The following SEC14L5 variants were observed in gnomAD, a reference collection of about 807,000 sequenced individuals.
SEC14L5 encodes the protein SEC14 like lipid binding 5.
A neutral mutation model predicts 84.6 loss-of-function variants in SEC14L5; 96 were observed. The observed-to-expected ratio is 1.13, with a 90% CI of 0.96 to 1.34. The LOEUF (loss-of-function observed/expected upper bound fraction) is 1.34, where lower values mean the gene tolerates loss of function less well. Ranked by LOEUF, SEC14L5 falls within the 40% of genes most tolerant of loss-of-function variation. The pLI is 0.00. For missense variants in SEC14L5, 1,224 were observed against 942.5 expected (o/e 1.30, Z -3.91); for synonymous variants, 546 against 383.4 (o/e 1.42, Z -4.95).
rs758424517 is a variant in SEC14L5 at position 4,997,045 on chromosome 16, G to C, written c.970+1G>C. The C allele has an allele frequency of 6.2e-7, 1 of 1,601,522 alleles. No homozygotes were observed. The highest frequency in any genetic ancestry group is 8.5e-7 in the Non-Finnish European group (1 of 1,174,084). ...GGGGGCTGGCATTACCAGGACATAG[G>C]TGCGTGCCTCCACCCACATCATGTA... On this transcript the variant is annotated splice_donor_variant, in intron 8 of 15. Transcript: ENST00000251170. LOFTEE classifies it high-confidence loss of function.
rs1955870022 is a variant in SEC14L5 at position 5,015,857 on chromosome 16, A to G, written c.*887A>G. On this transcript the variant is annotated 3_prime_UTR_variant, in exon 16 of 16. Coordinates refer to ENST00000251170, the MANE Select transcript of SEC14L5 (RefSeq NM_014692.2). ...CCCTGCACTTGGCCAGCATGGCCTAAGCCTGACCATCCCTGATTGGAGAGG... is the reference window on the plus strand; with the variant it reads ...CCCTGCACTTGGCCAGCATGGCCTAGGCCTGACCATCCCTGATTGGAGAGG... The G allele has an allele frequency of 6.6e-6, 1 of 152,318 alleles. No homozygotes were observed. The highest frequency in any genetic ancestry group is 2.1e-4 in the South Asian group (1 of 4,832). The allele number at this position is 152,318 out of a possible 1,614,324, so 9.4% of individuals were successfully genotyped here.
intron 13 of SEC14L5, 86 bp downstream of exon 13, chr16:5,007,572 A>G (rs1955745825): frequency 4.3e-6 from 4 of 926,450 alleles, no homozygotes; most frequent in Admixed American, 5.4e-5. Flanking sequence ...GCTTGAGATG[A>G]GGATTCTTTT....
intron 11 of SEC14L5, among the ~76,000 whole-genome samples, chr16:5,005,073 G>T (rs1185638870): frequency 2.0e-5 from 3 of 152,224 alleles, no homozygotes; most frequent in African/African-American, 7.2e-5. Context: ...TACTTTGAGA[G>T]GCCGAGGTGG....
chr16:4,964,215 G>A (rs540828538), intron 2 of SEC14L5, among the ~76,000 whole-genome samples: 78 of 152,202 alleles, frequency 5.1e-4, no homozygotes, highest in African/African-American at 1.8e-3. Context: ...GGCTCAGGTC[G>A]CCTGAGTCCC....
Position 4,987,715 on chromosome 16 carries a change from C to T in SEC14L5, c.213+9C>T, listed in dbSNP as rs1392029886. ...CGCGGCTGCTGCGGAAGGTGGGCGG[C>T]CCTGGGGCTGGGGGGCGGAGGAGGG... On this transcript the variant is annotated intron_variant, in intron 3 of 15. Transcript: ENST00000251170. The T allele has an allele frequency of 6.7e-7, 1 of 1,497,518 alleles. No homozygotes were observed. The highest frequency in any genetic ancestry group is 1.3e-5 in the South Asian group (1 of 76,646). 92.8% of individuals were successfully genotyped at this position (1,497,518 alleles called of 1,614,324 possible). A position where few individuals can be genotyped will look rare whatever the true frequency, so the allele number is the denominator to read the frequency against.
chr16:5,009,636 C>A (rs1378487253), intron 14 of SEC14L5, among the ~76,000 whole-genome samples: 1 of 152,044 alleles, frequency 6.6e-6, no homozygotes, highest in Non-Finnish European at 1.5e-5. Context: ...ACCCTAAATC[C>A]TTAACCACAA....
intron 2 of SEC14L5, among the ~76,000 whole-genome samples, chr16:4,974,872 T>A (rs144958804): frequency 0.021 from 3,140 of 151,832 alleles, 92 homozygotes; most frequent in African/African-American, 0.071. Flanking sequence ...CTGCCTCCTG[T>A]ATTCAAGCGA....
intron 2 of SEC14L5, among the ~76,000 whole-genome samples, chr16:4,967,104 A>G (rs1438817149): frequency 6.6e-6 from 1 of 152,210 alleles, no homozygotes; most frequent in Non-Finnish European, 1.5e-5. Flanking sequence ...CAGAGCCACA[A>G]ACCGGGTGAC....
chr16:4,966,780 G>C (rs1393620976), intron 2 of SEC14L5, among the ~76,000 whole-genome samples: 2 of 152,182 alleles, frequency 1.3e-5, no homozygotes, highest in African/African-American at 4.8e-5. Context: ...CCATTTTTCA[G>C]AGCTGGATGG....
chr16:4,985,908 G>A (rs1010930704), intron 2 of SEC14L5, among the ~76,000 whole-genome samples: 2 of 151,620 alleles, frequency 1.3e-5, no homozygotes, highest in Non-Finnish European at 2.9e-5. Flanking sequence ...GCCTGATGTT[G>A]GTATAAATAT....
At chr16:4,975,844 G>T (rs953187641) in intron 2 of SEC14L5, among the ~76,000 whole-genome samples, 4 of 152,160 alleles carry the variant, frequency 2.6e-5, no homozygotes, top group African/African-American at 7.2e-5. Context: ...CAGTGGCTGC[G>T]TAGTGGCCAG....
chr16:4,960,100 C>T (rs540509696), intron 2 of SEC14L5, among the ~76,000 whole-genome samples: 7 of 152,300 alleles, frequency 4.6e-5, no homozygotes, highest in South Asian at 2.1e-4. Context: ...ATCCTTGGCC[C>T]CCAGGATCAC....
At chr16:4,991,162 CTT>C (rs35980290) in intron 5 of SEC14L5, among the ~76,000 whole-genome samples, 19,703 of 84,492 alleles carry the variant, frequency 0.23, 1,457 homozygotes, top group East Asian at 0.44. Context: ...TTCTGTGGTG[CTT>C]TTTTTTTTTT....
intron 2 of SEC14L5, among the ~76,000 whole-genome samples, chr16:4,971,570 C>T (rs1955280603): frequency 1.3e-5 from 2 of 152,206 alleles, no homozygotes; most frequent in Non-Finnish European, 2.9e-5. Context: ...AAACCCTGTT[C>T]TGACAACTGA....
In SEC14L5 at chr16:5,017,858, C is replaced by T. The variant is rs142292199; in HGVS notation, c.*2888C>T. The T allele has an allele frequency of 6.6e-6, 1 of 152,326 alleles. No individual in the cohort carries two copies. Among genetic ancestry groups the T allele is most frequent in the East Asian group, 1.9e-4 (1 of 5,190 alleles). 9.4% of individuals were successfully genotyped at this position (152,326 alleles called of 1,614,324 possible). A position where few individuals can be genotyped will look rare whatever the true frequency, so the allele number is the denominator to read the frequency against. On this transcript the variant is annotated 3_prime_UTR_variant, in exon 16 of 16. Transcript: ENST00000251170. ...AAAAATAATCCAAGGAAGGGATTGCCAAGCTTTTGGCTTTTGAATTTCCCC... is the reference window on the plus strand; with the variant it reads ...AAAAATAATCCAAGGAAGGGATTGCTAAGCTTTTGGCTTTTGAATTTCCCC...
chr16:5,001,492 C>T (rs532073096), intron 10 of SEC14L5, among the ~76,000 whole-genome samples: 2 of 152,254 alleles, frequency 1.3e-5, no homozygotes, highest in South Asian at 2.1e-4. Flanking sequence ...GTCTCCTGAC[C>T]TCGTGATCCG....
At position 4,973,408 on chromosome 16, in the gene SEC14L5, G is replaced by C. The variant is rs369368152; in HGVS notation, c.63+14022G>C. Among the ~76,000 whole-genome samples, 167 of 56,158 alleles carry C rather than the reference G, an allele frequency of 3.0e-3. 2 individuals carry two copies. The highest frequency in any genetic ancestry group is 0.023 in the South Asian group (44 of 1,894). 36.8% of individuals were successfully genotyped at this position (56,158 alleles called of 152,430 possible). A position where few individuals can be genotyped will look rare whatever the true frequency, so the allele number is the denominator to read the frequency against. On this transcript the variant is annotated intron_variant, in intron 2 of 15. Transcript: ENST00000251170. ...CTGCAACAGTCATGTCAGGGCTTCC[G>C]GAACAGTGTCAGCCTGGTTCTGCCA...
At chr16:4,980,529 C>T (rs937591773) in intron 2 of SEC14L5, among the ~76,000 whole-genome samples, 5 of 152,074 alleles carry the variant, frequency 3.3e-5, no homozygotes, top group South Asian at 2.1e-4. Flanking sequence ...TCCCTGACAC[C>T]CTCCTTGAGG....
At chr16:5,005,498 A>G (rs1393045181) in intron 11 of SEC14L5, among the ~76,000 whole-genome samples, 1 of 152,068 alleles carries the variant, frequency 6.6e-6, no homozygotes, top group Non-Finnish European at 1.5e-5. Context: ...TAGTGAGTGC[A>G]CTGAAAGCCA....
Sources: gnomAD v4.1 joint callset for allele counts (sites outside exome capture counted in the v4.1 genomes callset) on GRCh38, gnomAD v4.1.1 for gene constraint, MANE v1.5 for transcripts, NCBI Gene and HGNC (gene_info 2026-07-23, HGNC 2026-07-21) for gene names.